SATB2: variants seen among roughly 807,000 people sequenced by gnomAD.
The protein encoded by SATB2 is DNA-binding protein SATB2.
A neutral mutation model predicts 73.4 loss-of-function variants in SATB2; 1 was observed. That is an observed-to-expected ratio of 0.01 (90% CI 0.00 to 0.06). The LOEUF is 0.06. Ranked by LOEUF, SATB2 falls within the 10% of genes least tolerant of loss-of-function variation. The pLI is 1.00. For synonymous variants in SATB2, 397 were observed against 367.0 expected (o/e 1.08, Z -0.93); for missense variants, 459 against 945.8 (o/e 0.49, Z 6.75).
At chr2:199,364,379 A>T (rs1689226481) in intron 6 of SATB2, among the ~76,000 whole-genome samples, 1 of 152,150 alleles carries the variant, frequency 6.6e-6, no homozygotes, top group African/African-American at 2.4e-5. Flanking sequence ...TGATCTTGCA[A>T]GACTAGATCA....
intron 9 of SATB2, among the ~76,000 whole-genome samples, chr2:199,309,897 A>G (rs1687548113): frequency 1.3e-5 from 2 of 152,230 alleles, no homozygotes; most frequent in Non-Finnish European, 2.9e-5. Flanking sequence ...CCAAACCTCA[A>G]CAAATTCTAT....
chr2:199,431,554 T>C (rs1298116814), intron 3 of SATB2, among the ~76,000 whole-genome samples: 1 of 152,236 alleles, frequency 6.6e-6, no homozygotes, highest in Admixed American at 6.5e-5. Context: ...TCAAAAACTT[T>C]GAGGACGCAA....
At chr2:199,451,266 T>C (rs1182087941) in intron 2 of SATB2, among the ~76,000 whole-genome samples, 1 of 152,080 alleles carries the variant, frequency 6.6e-6, no homozygotes, top group African/African-American at 2.4e-5. Context: ...TTCTGTTTAA[T>C]GTGTATGTTC....
intron 2 of SATB2, among the ~76,000 whole-genome samples, chr2:199,440,518 A>T (rs1207199131): frequency 6.6e-6 from 1 of 152,210 alleles, no homozygotes; most frequent in Non-Finnish European, 1.5e-5. Context: ...AATAAGAAAC[A>T]GTAGAAAAAA....
chr2:199,312,243 A>G (rs984712730), intron 9 of SATB2, among the ~76,000 whole-genome samples: 1 of 152,116 alleles, frequency 6.6e-6, no homozygotes, highest in Admixed American at 6.5e-5. Flanking sequence ...AATTATTTTC[A>G]TTTCAGAAAT....
At chr2:199,422,135 T>C (rs537251416) in intron 3 of SATB2, among the ~76,000 whole-genome samples, 8 of 152,106 alleles carry the variant, frequency 5.3e-5, no homozygotes, top group African/African-American at 1.9e-4. Context: ...TACATTATAA[T>C]GTTAAGTAAG....
At chr2:199,355,688 T>A (rs1479400662) in intron 6 of SATB2, among the ~76,000 whole-genome samples, 4 of 152,060 alleles carry the variant, frequency 2.6e-5, no homozygotes, top group Non-Finnish European at 5.9e-5. Context: ...GGTCTTAAAG[T>A]AACCTTCCAG....
intron 5 of SATB2, among the ~76,000 whole-genome samples, chr2:199,371,378 G>A (rs1186182454): frequency 1.3e-5 from 2 of 151,530 alleles, no homozygotes; most frequent in African/African-American, 4.8e-5. Flanking sequence ...AAGTTGAAAG[G>A]GGCTAACATG....
At chr2:199,392,994 A>C (rs1380884984) in intron 3 of SATB2, among the ~76,000 whole-genome samples, 3 of 152,138 alleles carry the variant, frequency 2.0e-5, no homozygotes. Context: ...AAGTCATCTG[A>C]CATAGTCCAA....
At chr2:199,370,076 C>T (rs1277222911) in intron 5 of SATB2, among the ~76,000 whole-genome samples, 1 of 152,090 alleles carries the variant, frequency 6.6e-6, no homozygotes, top group Non-Finnish European at 1.5e-5. Context: ...TGTCTCCTGC[C>T]TTATAGGATG....
chr2:199,297,110 A>G (rs1160737719), intron 10 of SATB2, among the ~76,000 whole-genome samples: 1 of 152,250 alleles, frequency 6.6e-6, no homozygotes, highest in Non-Finnish European at 1.5e-5. Flanking sequence ...TCTATTATAT[A>G]AGAAAGATAC....
chr2:199,468,471 G>A (rs1446720627), upstream of SATB2, among the ~76,000 whole-genome samples: 4 of 152,182 alleles, frequency 2.6e-5, no homozygotes, highest in African/African-American at 9.7e-5. Context: ...TTGGGCCTAA[G>A]CATCCAACTG....
intron 3 of SATB2, among the ~76,000 whole-genome samples, chr2:199,390,944 T>A (rs1206029809): frequency 6.6e-6 from 1 of 152,206 alleles, no homozygotes; most frequent in Non-Finnish European, 1.5e-5. Flanking sequence ...GGCATGTAGA[T>A]TATCAAAGAA....
chr2:199,355,105 C>G (rs1202686912), intron 6 of SATB2, among the ~76,000 whole-genome samples: 1 of 150,986 alleles, frequency 6.6e-6, no homozygotes, highest in Non-Finnish European at 1.5e-5. Context: ...AACATAAATC[C>G]CTGATATATA....
At chr2:199,466,768 C>T (rs2141935), upstream of SATB2, among the ~76,000 whole-genome samples, 1 of 152,336 alleles carries the variant, frequency 6.6e-6, no homozygotes, top group South Asian at 2.1e-4. Context: ...GAGCTATTTT[C>T]TGAAGATGTG....
intron 10 of SATB2, among the ~76,000 whole-genome samples, chr2:199,302,839 CTGAAGTGCACT>C (rs781778787): frequency 6.9e-4 from 105 of 152,304 alleles, no homozygotes; most frequent in Middle Eastern, 6.8e-3. Context: ...AGAGGTAAAT[CTGAAGTGCACT>C]TGAACATTAG....
chr2:199,405,247 T>A (rs915217376), intron 3 of SATB2, among the ~76,000 whole-genome samples: 2 of 152,212 alleles, frequency 1.3e-5, no homozygotes, highest in Admixed American at 6.5e-5. Context: ...AGCAGCCTGT[T>A]CAACAACAAA....
chr2:199,426,406 A>G (rs1691329470), intron 3 of SATB2, among the ~76,000 whole-genome samples: 1 of 152,054 alleles, frequency 6.6e-6, no homozygotes. Context: ...CTCCTGCCTC[A>G]GCCTCCACAG....
intron 3 of SATB2, among the ~76,000 whole-genome samples, chr2:199,386,902 T>C (rs1354098227): frequency 1.3e-5 from 2 of 152,182 alleles, no homozygotes; most frequent in South Asian, 2.1e-4. Flanking sequence ...GTCTATATTA[T>C]TGCTGAAATT....
Sources: allele counts gnomAD v4.1 joint callset (sites outside exome capture counted in the v4.1 genomes callset), GRCh38; gene constraint gnomAD v4.1.1; transcripts MANE v1.5; gene names NCBI Gene and HGNC (gene_info 2026-07-23, HGNC 2026-07-21).